KIF26B: variants seen among roughly 807,000 people sequenced by gnomAD.
KIF26B encodes the protein kinesin-like protein KIF26B.
In KIF26B, 63 loss-of-function variants were observed where a neutral mutation model predicts 151.2. That is an observed-to-expected ratio of 0.42 (90% CI 0.34 to 0.51). The LOEUF (loss-of-function observed/expected upper bound fraction) is 0.51, where lower values mean the gene tolerates loss of function less well. Ranked by LOEUF, KIF26B falls within the 20% of genes least tolerant of loss-of-function variation. The pLI, the probability that KIF26B is intolerant of heterozygous loss-of-function variation, is 0.07. For missense variants in KIF26B, 2,813 were observed against 2,913.6 expected, an observed-to-expected ratio of 0.97 and a Z score of 0.79; for synonymous variants, 1,357 against 1,262.1, an observed-to-expected ratio of 1.08 and a Z score of -1.59.
intron 2 of KIF26B, among the ~76,000 whole-genome samples, chr1:245,345,580 T>C (rs1672436856): frequency 1.3e-5 from 2 of 151,576 alleles, no homozygotes; most frequent in South Asian, 4.2e-4. Flanking sequence ...TCAGTTGTGA[T>C]CCCAGCGTGG....
intron 9 of KIF26B, among the ~76,000 whole-genome samples, chr1:245,623,520 G>A (rs1215460521): frequency 1.3e-5 from 2 of 152,002 alleles, no homozygotes; most frequent in African/African-American, 2.4e-5. Context: ...TTCCAGTTTG[G>A]GGATATTACA....
chr1:245,650,821 G>C (rs2044006653), intron 10 of KIF26B, among the ~76,000 whole-genome samples: 1 of 152,166 alleles, frequency 6.6e-6, no homozygotes, highest in African/African-American at 2.4e-5. Flanking sequence ...CTCATGTCAT[G>C]CCTGTCTGAG....
intron 5 of KIF26B, among the ~76,000 whole-genome samples, chr1:245,586,706 A>AC (rs1247124154): frequency 6.7e-6 from 1 of 148,556 alleles, no homozygotes; most frequent in Non-Finnish European, 1.5e-5. Flanking sequence ...ACAAGGTGAA[A>AC]CCCCGTCTCT....
rs1553332273 is a variant in KIF26B at position 245,184,050 on chromosome 1, G to GTTTTGTTTTTTTTTTTTTTTTTTTTTTTT, written c.465+27371_465+27372insGTTTTTTTTTTTTTTTTTTTTTTTTTTTT. Among the ~76,000 whole-genome samples the GTTTTGTTTTTTTTTTTTTTTTTTTTTTTT allele has an allele frequency of 1.3e-3, 26 of 19,812 alleles. 2 individuals carry two copies. The highest frequency in any genetic ancestry group is 2.1e-3 in the Admixed American group (2 of 960). The allele number at this position is 19,812 out of a possible 152,430, so 13.0% of individuals were successfully genotyped here. ...GCAACAGGTATGGGTGGGAGTTGTT[G>GTTTTGTTTTTTTTTTTTTTTTTTTTTTTT]TTTTTTTTTTTTTTTTTTTGAGCTT... On this transcript the variant is annotated intron_variant, in intron 2 of 14. Transcript: ENST00000407071.
chr1:245,585,625 T>A (rs752623794), intron 5 of KIF26B, among the ~76,000 whole-genome samples: 1 of 152,200 alleles, frequency 6.6e-6, no homozygotes, highest in Non-Finnish European at 1.5e-5. Context: ...CTACATCCTG[T>A]GGATTTATGT....
At chr1:245,317,290 C>G (rs572450221) in intron 2 of KIF26B, among the ~76,000 whole-genome samples, 2 of 152,188 alleles carry the variant, frequency 1.3e-5, no homozygotes. Flanking sequence ...ACAGTGTTCA[C>G]GGGCCTAATA....
In KIF26B at chr1:245,646,145, A is replaced by G. The variant is rs1267523178; in HGVS notation, c.2123A>G (p.His708Arg). 2 of 1,613,968 alleles carry G rather than the reference A, an allele frequency of 1.2e-6. No homozygotes were observed. Among genetic ancestry groups the G allele is most frequent in the Non-Finnish European group, 1.7e-6 (2 of 1,179,874 alleles). ...GTGTCTGGAGGTCGCAGCCGCCTGCATCTCATTGATCTCGGCAGCTGTGTG... is the reference window on the plus strand; with the variant it reads ...GTGTCTGGAGGTCGCAGCCGCCTGCGTCTCATTGATCTCGGCAGCTGTGTG... ...GGMSGGRSRL[H>R]LIDLGSCVKA... Residue 708 changes from histidine to arginine, a missense_variant, in exon 10 of 15, where the codon CAT becomes CGT. By Grantham distance (29) the His-to-Arg change is conservative. Transcript: ENST00000407071.
intron 8 of KIF26B, among the ~76,000 whole-genome samples, 165 bp downstream of exon 8, chr1:245,609,693 C>CT (rs2043498189): frequency 6.6e-6 from 1 of 152,126 alleles, no homozygotes; most frequent in Non-Finnish European, 1.5e-5. Context: ...GGGCCATCGG[C>CT]TTGCCCAGTC....
At chr1:245,485,186 T>C (rs1294232731) in intron 4 of KIF26B, among the ~76,000 whole-genome samples, 1 of 151,940 alleles carries the variant, frequency 6.6e-6, no homozygotes, top group African/African-American at 2.4e-5. Flanking sequence ...CAGACAGAAA[T>C]AGTGATTACC....
At chr1:245,696,651 C>T (rs1351697794) in intron 12 of KIF26B, among the ~76,000 whole-genome samples, 3 of 152,228 alleles carry the variant, frequency 2.0e-5, no homozygotes, top group African/African-American at 7.2e-5. Context: ...AAAAACCCCT[C>T]TGATCTGGTC....
chr1:245,508,155 G>A (rs944404850), intron 4 of KIF26B, among the ~76,000 whole-genome samples: 1 of 152,210 alleles, frequency 6.6e-6, no homozygotes, highest in African/African-American at 2.4e-5. Context: ...AAGTGCTGGT[G>A]TTTCCCCAAG....
chr1:245,435,097 C>T (rs974749034), intron 4 of KIF26B, among the ~76,000 whole-genome samples: 1 of 85,128 alleles, frequency 1.2e-5, no homozygotes, highest in Non-Finnish European at 2.4e-5. Flanking sequence ...CCATCCATCT[C>T]TCCATCCATC....
At chr1:245,163,904 T>A (rs1482675297) in intron 2 of KIF26B, among the ~76,000 whole-genome samples, 1 of 152,204 alleles carries the variant, frequency 6.6e-6, no homozygotes, top group African/African-American at 2.4e-5. Context: ...TACTCTTGGA[T>A]TTTCAAAAAA....
intron 4 of KIF26B, among the ~76,000 whole-genome samples, chr1:245,435,167 CCAT>C (rs1310390626): frequency 7.2e-5 from 11 of 152,182 alleles, no homozygotes; most frequent in Non-Finnish European, 1.0e-4. Context: ...ATCCATCCAT[CCAT>C]CCACCCACCC....
At position 245,601,745 on chromosome 1, in the gene KIF26B, T is replaced by C. The variant is rs2043398734; in HGVS notation, c.1351-832T>C. ...AGCCAGTTAGAGCAAATGCTGTCCC[T>C]TTTCCCAGGACTGTAGCTTCCAGAC... is the stretch of plus-strand genomic sequence containing the variant. On this transcript the variant is annotated intron_variant, in intron 5 of 14. Transcript: ENST00000407071. The surrounding 1 kb of genome is among the most constrained non-coding windows in gnomAD (Gnocchi z 4.4). 6.6e-6 allele frequency among the ~76,000 whole-genome samples: 1 copy of C among 152,200 alleles called. No individual in the cohort carries two copies. Among genetic ancestry groups the C allele is most frequent in the Non-Finnish European group, 1.5e-5 (1 of 68,034 alleles).
intron 5 of KIF26B, among the ~76,000 whole-genome samples, chr1:245,544,545 C>T (rs78533282): frequency 0.018 from 2,757 of 152,182 alleles, 100 homozygotes; most frequent in African/African-American, 0.062. Flanking sequence ...ATTTAGTAGA[C>T]AAGAAAACTG....
At chr1:245,404,370 G>A (rs940096437) in intron 3 of KIF26B, among the ~76,000 whole-genome samples, 7 of 152,138 alleles carry the variant, frequency 4.6e-5, no homozygotes, top group South Asian at 2.1e-4. Context: ...ATATGGAAGA[G>A]ATGAACTCCC....
At chr1:245,390,935 A>C (rs1223838452) in intron 3 of KIF26B, among the ~76,000 whole-genome samples, 1 of 144,874 alleles carries the variant, frequency 6.9e-6, no homozygotes, top group Non-Finnish European at 1.5e-5. Context: ...AAAAAAAAAA[A>C]AAAAAAAAAA....
At chr1:245,432,861 G>A (rs1335797025) in intron 4 of KIF26B, among the ~76,000 whole-genome samples, 1 of 152,116 alleles carries the variant, frequency 6.6e-6, no homozygotes, top group Non-Finnish European at 1.5e-5. Flanking sequence ...GGAATAATTC[G>A]GTTAGAATTC....
Sources: gnomAD v4.1 joint callset for allele counts (sites outside exome capture counted in the v4.1 genomes callset) on GRCh38, gnomAD v4.1.1 for gene constraint, Gnocchi (gnomAD v3.1) non-coding constraint, MANE v1.5 for transcripts, NCBI Gene and HGNC (gene_info 2026-07-23, HGNC 2026-07-21) for gene names.